The following CELF2 variants were observed in gnomAD, a reference collection of about 807,000 sequenced individuals.
CELF2 encodes the protein CUG triplet repeat RNA-binding protein 2.
A neutral mutation model predicts 62.6 loss-of-function variants in CELF2; 8 were observed. That is an observed-to-expected ratio of 0.13 (90% confidence interval 0.07 to 0.23). The LOEUF (loss-of-function observed/expected upper bound fraction) is 0.23, where lower values mean the gene tolerates loss of function less well. Ranked by LOEUF, CELF2 falls within the 10% of genes least tolerant of loss-of-function variation. The pLI is 1.00. For missense variants in CELF2, 333 were observed against 671.0 expected (o/e 0.50, Z 5.56); for synonymous variants, 258 against 250.0 (o/e 1.03, Z -0.30).
intron 9 of CELF2, among the ~76,000 whole-genome samples, chr10:11,313,792 A>G (rs906541254): frequency 8.9e-4 from 46 of 51,634 alleles, no homozygotes; most frequent in African/African-American, 3.5e-3. Context: ...CATAGGCTTA[A>G]AAAAAAAAAA....
At chr10:11,107,169 C>T (rs956356518) in intron 1 of CELF2, among the ~76,000 whole-genome samples, 9 of 152,084 alleles carry the variant, frequency 5.9e-5, no homozygotes, top group African/African-American at 1.9e-4. Flanking sequence ...AAGTGATTGG[C>T]GGCAGAAGCA....
chr10:10,636,383 A>T, the CELF2 span, among the ~76,000 whole-genome samples: 1 of 152,200 alleles, frequency 6.6e-6, no homozygotes, highest in Non-Finnish European at 1.5e-5. Context: ...TGCATATATT[A>T]ACATTTTTCT....
At chr10:10,918,176 A>C (rs188686572) in intron 1 of CELF2, among the ~76,000 whole-genome samples, 1 of 152,364 alleles carries the variant, frequency 6.6e-6, no homozygotes, top group Admixed American at 6.5e-5. Flanking sequence ...TAAAACAGAC[A>C]CTTAAAAGAG....
At chr10:10,816,094 C>G (rs992336100) in intron 1 of CELF2, among the ~76,000 whole-genome samples, 12 of 152,116 alleles carry the variant, frequency 7.9e-5, no homozygotes, top group Non-Finnish European at 1.5e-4. Context: ...ACTTTAATCT[C>G]CAGCCTGTAA....
the CELF2 span, among the ~76,000 whole-genome samples, chr10:10,583,713 G>T: frequency 3.3e-5 from 5 of 152,096 alleles, no homozygotes; most frequent in African/African-American, 2.4e-5. Flanking sequence ...TGACACCTAG[G>T]AAAGAAAGAC....
intron 2 of CELF2, among the ~76,000 whole-genome samples, chr10:11,174,401 T>C (rs916617593): frequency 2.0e-5 from 3 of 152,216 alleles, no homozygotes; most frequent in Non-Finnish European, 4.4e-5. Flanking sequence ...CAGGAATTGG[T>C]ATTTTGGATC....
chr10:11,152,129 G>A (rs2063455416), intron 1 of CELF2, among the ~76,000 whole-genome samples: 1 of 152,208 alleles, frequency 6.6e-6, no homozygotes, highest in African/African-American at 2.4e-5. Context: ...GGCTTGGGTA[G>A]GAGTAAGTGG....
At chr10:11,023,934 G>A (rs911604165) in intron 1 of CELF2, among the ~76,000 whole-genome samples, 2 of 152,246 alleles carry the variant, frequency 1.3e-5, no homozygotes, top group South Asian at 2.1e-4. Flanking sequence ...TCAAAATGAC[G>A]TATGAGTACA....
At chr10:10,528,094 G>A in the CELF2 span, among the ~76,000 whole-genome samples, 6 of 152,248 alleles carry the variant, frequency 3.9e-5, no homozygotes, top group East Asian at 9.7e-4. Context: ...AACCAAACCA[G>A]CTCGCCAGAT....
Position 11,165,643 on chromosome 10 carries a change from G to A in CELF2, c.232G>A (p.Val78Ile), listed in dbSNP as rs199669123. Residue 78 changes from valine (V) to isoleucine (I), a missense_variant, in exon 2 of 13, where the codon GTC becomes ATC. By Grantham distance (29) the Val-to-Ile change is conservative. This residue lies in a region of CELF2 where 253 missense variants were observed against 503.0 expected (regional missense o/e 0.50). Coordinates refer to ENST00000633077, the MANE Select transcript of CELF2 (RefSeq NM_001326342.2). The surrounding 1 kb of genome is among the most constrained non-coding windows in gnomAD (Gnocchi z 7.4). ...TTACGGAGCCGTCTACCAGATCAAC[G>A]TCCTCCGGGACCGGAGTCAGAACCC... Reference protein sequence around the residue: ...EPYGAVYQINVLRDRSQNPPQ... With the variant: ...EPYGAVYQINILRDRSQNPPQ... The A allele has an allele frequency of 1.2e-6, 2 of 1,614,104 alleles. No homozygotes were observed. Among genetic ancestry groups the A allele is most frequent in the East Asian group, 2.2e-5 (1 of 44,868 alleles).
chr10:10,763,656 G>A, the CELF2 span, among the ~76,000 whole-genome samples: 2 of 152,162 alleles, frequency 1.3e-5, no homozygotes, highest in African/African-American at 4.8e-5. Flanking sequence ...CAGTGGAGCT[G>A]TTTGAAACAG....
the CELF2 span, among the ~76,000 whole-genome samples, chr10:10,725,516 T>C: frequency 6.6e-6 from 1 of 152,202 alleles, no homozygotes; most frequent in African/African-American, 2.4e-5. Flanking sequence ...CCCAACTTCA[T>C]TGTAATACAT....
chr10:10,780,050 T>G, the CELF2 span, among the ~76,000 whole-genome samples: 1 of 152,198 alleles, frequency 6.6e-6, no homozygotes, highest in Non-Finnish European at 1.5e-5. Flanking sequence ...ATAACTTTTT[T>G]GTTCACTTTA....
chr10:10,763,162 C>T, the CELF2 span, among the ~76,000 whole-genome samples: 4 of 152,102 alleles, frequency 2.6e-5, no homozygotes, highest in East Asian at 1.9e-4. Context: ...TGGGAATAAA[C>T]GAGATAATGT....
intron 1 of CELF2, among the ~76,000 whole-genome samples, chr10:11,101,910 C>G (rs575217661): frequency 6.6e-6 from 1 of 152,206 alleles, no homozygotes; most frequent in East Asian, 1.9e-4. Context: ...TTGAGGTATC[C>G]TGGTTTAAAG....
chr10:10,622,228 C>T, the CELF2 span, among the ~76,000 whole-genome samples: 1 of 152,150 alleles, frequency 6.6e-6, no homozygotes, highest in East Asian at 1.9e-4. Flanking sequence ...AAGCAGATCT[C>T]AAATGAGTGT....
chr10:11,035,918 T>A (rs1215083825), intron 1 of CELF2, among the ~76,000 whole-genome samples: 1 of 152,234 alleles, frequency 6.6e-6, no homozygotes, highest in Non-Finnish European at 1.5e-5. Context: ...CTACACAAAT[T>A]CTGCTTGGCA....
chr10:10,562,043 G>C, the CELF2 span, among the ~76,000 whole-genome samples: 1 of 152,154 alleles, frequency 6.6e-6, no homozygotes, highest in Non-Finnish European at 1.5e-5. Flanking sequence ...TTACCAGAAG[G>C]CTCCAACCCT....
chr10:10,772,859 C>T, the CELF2 span, among the ~76,000 whole-genome samples: 1 of 152,282 alleles, frequency 6.6e-6, no homozygotes, highest in Non-Finnish European at 1.5e-5. Flanking sequence ...ATTTGAACAT[C>T]TTTAAAAATC....
Sources: gnomAD v4.1 joint callset for allele counts (sites outside exome capture counted in the v4.1 genomes callset) on GRCh38, gnomAD v4.1.1 for gene constraint, gnomAD v4.1.1 regional missense constraint, Gnocchi (gnomAD v3.1) non-coding constraint, MANE v1.5 for transcripts, NCBI Gene and HGNC (gene_info 2026-07-23, HGNC 2026-07-21) for gene names.